Variants in GALNT18 observed in about 807,000 individuals in gnomAD.
GALNT18 encodes polypeptide N-acetylgalactosaminyltransferase 18, also known as GalNAc-transferase 18.
In GALNT18, 44 loss-of-function variants were observed where a neutral mutation model predicts 69.5. The observed-to-expected ratio is 0.63, with a 90% CI of 0.50 to 0.81. The LOEUF is 0.81. GALNT18 is among the 40% of genes least tolerant of loss of function. GALNT18 has a pLI of 0.00. For synonymous variants in GALNT18, 364 were observed against 318.2 expected (o/e 1.14, Z -1.53); for missense variants, 715 against 810.0 (o/e 0.88, Z 1.42).
intron 2 of GALNT18, among the ~76,000 whole-genome samples, chr11:11,442,976 G>A (rs1855566395): frequency 1.3e-5 from 2 of 152,200 alleles, no homozygotes; most frequent in African/African-American, 4.8e-5. Flanking sequence ...AGCTGCCTTG[G>A]AGGGAGGCCA....
intron 1 of GALNT18, among the ~76,000 whole-genome samples, chr11:11,493,847 TC>T (rs1856821937): frequency 6.6e-6 from 1 of 152,102 alleles, no homozygotes; most frequent in Non-Finnish European, 1.5e-5. Flanking sequence ...ATAGGAATTT[TC>T]CCCCTTTCCT....
chr11:11,516,979 G>C (rs1857291253), intron 1 of GALNT18, among the ~76,000 whole-genome samples: 1 of 152,216 alleles, frequency 6.6e-6, no homozygotes, highest in South Asian at 2.1e-4. Flanking sequence ...GGGTGATTAG[G>C]TTATGAGGGC....
intron 1 of GALNT18, among the ~76,000 whole-genome samples, chr11:11,493,292 A>G (rs1168186681): frequency 1.4e-5 from 2 of 140,162 alleles, no homozygotes; most frequent in Non-Finnish European, 3.1e-5. Flanking sequence ...AAAAAAAAAA[A>G]AAATTTCTTG....
In GALNT18 at chr11:11,620,349, G is replaced by A. The variant is rs1417802936; in HGVS notation, c.235+1010C>T. Among the ~76,000 whole-genome samples, 1 of 150,796 alleles carries A rather than the reference G, an allele frequency of 6.6e-6. No homozygotes were observed. Among genetic ancestry groups the A allele is most frequent in the African/African-American group, 2.4e-5 (1 of 41,032 alleles). On this transcript the variant is annotated intron_variant, in intron 1 of 10. Transcript: ENST00000227756. The surrounding 1 kb of genome is among the most constrained non-coding windows in gnomAD (Gnocchi z 6.9). The stretch of plus-strand genomic sequence containing the variant: ...CGCGCGCGCGTGTGTGTGTGTGTGT[G>A]CACACCCGGCACCAGTGCTCCTGGC...
At chr11:11,443,936 ATG>A (rs1224891197) in intron 2 of GALNT18, among the ~76,000 whole-genome samples, 2 of 152,192 alleles carry the variant, frequency 1.3e-5, no homozygotes, top group African/African-American at 4.8e-5. Context: ...CTTTGTGCAG[ATG>A]AGGTTGGAAA....
intron 9 of GALNT18, among the ~76,000 whole-genome samples, chr11:11,306,231 GTGTA>G (rs1849576418): frequency 2.0e-5 from 3 of 152,044 alleles, no homozygotes; most frequent in Admixed American, 6.6e-5. Flanking sequence ...GCATGTGTGT[GTGTA>G]TGTGTGTGTG....
chr11:11,430,537 G>A lies in GALNT18; in HGVS notation c.595+2084C>T, dbSNP rs1855241878. On this transcript the variant is annotated intron_variant, in intron 3 of 10. Coordinates refer to ENST00000227756, the MANE Select transcript of GALNT18 (RefSeq NM_198516.3). The surrounding 1 kb of genome is among the most constrained non-coding windows in gnomAD (Gnocchi z 4.9). ...ATCACCACAATGCTCTAGAGCTTTG[G>A]TTGTGAAAGGTCTAGGGTGCTGCTC... Among the ~76,000 whole-genome samples the A allele has an allele frequency of 6.6e-6, 1 of 152,234 alleles. No individual in the cohort carries two copies. Among genetic ancestry groups the A allele is most frequent in the Non-Finnish European group, 1.5e-5 (1 of 68,046 alleles).
rs909048433 is a variant in GALNT18 at position 11,602,132 on chromosome 11, A to T, written c.235+19227T>A. On this transcript the variant is annotated intron_variant, in intron 1 of 10. Coordinates refer to ENST00000227756, the MANE Select transcript of GALNT18 (RefSeq NM_198516.3). This position sits in a 1 kb window ranked among gnomAD's most constrained non-coding sequence, Gnocchi z 4.7. ...CAGAATATCTATACCACTGCTCTGG[A>T]GTTGTAAGTAGGAATAGCAGCCTAA... Among the ~76,000 whole-genome samples the T allele has an allele frequency of 6.6e-6, 1 of 152,092 alleles. No individual in the cohort carries two copies. The highest frequency in any genetic ancestry group is 2.1e-4 in the South Asian group (1 of 4,820).
intron 1 of GALNT18, among the ~76,000 whole-genome samples, chr11:11,547,289 G>C (rs1203303978): frequency 6.6e-6 from 1 of 152,162 alleles, no homozygotes; most frequent in Non-Finnish European, 1.5e-5. Flanking sequence ...CTGGAGTGAA[G>C]GGTGGGGGTG....
chr11:11,348,102 G>C (rs1309490571), intron 6 of GALNT18, among the ~76,000 whole-genome samples: 1 of 152,114 alleles, frequency 6.6e-6, no homozygotes, highest in Non-Finnish European at 1.5e-5. Flanking sequence ...AGAGGGCCGG[G>C]CATGGTGGCT....
Position 11,377,421 on chromosome 11 carries a change from A to G in GALNT18, c.780-42T>C. 2.5e-6 allele frequency: 4 copies of G among 1,591,174 alleles called. No homozygotes were observed. Among genetic ancestry groups the G allele is most frequent in the Non-Finnish European group, 2.6e-6 (3 of 1,160,834 alleles). Reference sequence around the variant, plus strand: ...CAGCCAGAGAGGGTAACCATTTCCAAGGTGGAAAAATCCAGAGTAGCATCT... The same window carrying G: ...CAGCCAGAGAGGGTAACCATTTCCAGGGTGGAAAAATCCAGAGTAGCATCT... On this transcript the variant is annotated intron_variant, in intron 4 of 10. Transcript: ENST00000227756. The surrounding 1 kb of genome is among the most constrained non-coding windows in gnomAD (Gnocchi z 4.6).
At chr11:11,352,627 C>A (rs1351083312) in intron 6 of GALNT18, 3 of 1,614,186 alleles carry the variant, frequency 1.9e-6, no homozygotes, top group Non-Finnish European at 2.5e-6. Flanking sequence ...TGCTCATGAT[C>A]AATCATGACA....
At chr11:11,452,667 G>C (rs1043640144) in intron 1 of GALNT18, among the ~76,000 whole-genome samples, 2 of 152,204 alleles carry the variant, frequency 1.3e-5, no homozygotes, top group Non-Finnish European at 2.9e-5. Context: ...TTTGACATAA[G>C]GGGGACAGGC....
At chr11:11,537,231 CTG>C (rs1319447119) in intron 1 of GALNT18, among the ~76,000 whole-genome samples, 3 of 152,050 alleles carry the variant, frequency 2.0e-5, no homozygotes, top group Non-Finnish European at 4.4e-5. Context: ...CGGGGTGGAG[CTG>C]TGAGTCAGTC....
chr11:11,569,447 T>G (rs1358709720), intron 1 of GALNT18, among the ~76,000 whole-genome samples: 2 of 147,382 alleles, frequency 1.4e-5, no homozygotes, highest in Non-Finnish European at 3.0e-5. Flanking sequence ...CAACATGTCC[T>G]GGAAACCATC....
At chr11:11,425,944 C>T (rs1006100781) in intron 3 of GALNT18, among the ~76,000 whole-genome samples, 1 of 152,240 alleles carries the variant, frequency 6.6e-6, no homozygotes, top group African/African-American at 2.4e-5. Flanking sequence ...ATCATGCAGT[C>T]CCAGCTAAAG....
At chr11:11,437,024 C>T (rs904439299) in intron 2 of GALNT18, among the ~76,000 whole-genome samples, 4 of 152,206 alleles carry the variant, frequency 2.6e-5, no homozygotes, top group African/African-American at 9.6e-5. Flanking sequence ...ACACACTCTG[C>T]TCCAGTCCTG....
rs567552427 is a variant in GALNT18 at position 11,590,509 on chromosome 11, G to A, written c.235+30850C>T. On this transcript the variant is annotated intron_variant, in intron 1 of 10. Coordinates refer to ENST00000227756, the MANE Select transcript of GALNT18 (RefSeq NM_198516.3). The surrounding 1 kb of genome is among the most constrained non-coding windows in gnomAD (Gnocchi z 4.4). Reference sequence around the variant, plus strand: ...ATATTAGGCACCAACCAATCAGAAGGACACTGGCTGTTCTGCTGCATCAGT... The same window carrying A: ...ATATTAGGCACCAACCAATCAGAAGAACACTGGCTGTTCTGCTGCATCAGT... Among the ~76,000 whole-genome samples, 4 of 152,142 alleles carry A rather than the reference G, an allele frequency of 2.6e-5. No homozygotes were observed. The highest frequency in any genetic ancestry group is 5.9e-5 in the Non-Finnish European group (4 of 68,040).
chr11:11,512,032 T>C (rs947126140), intron 1 of GALNT18, among the ~76,000 whole-genome samples: 6 of 152,238 alleles, frequency 3.9e-5, no homozygotes, highest in Non-Finnish European at 8.8e-5. Context: ...TATGTTTACA[T>C]GTATACATAT....
Sources: allele counts gnomAD v4.1 joint callset (sites outside exome capture counted in the v4.1 genomes callset), GRCh38; gene constraint gnomAD v4.1.1; non-coding constraint Gnocchi (gnomAD v3.1); transcripts MANE v1.5; gene names NCBI Gene and HGNC (gene_info 2026-07-23, HGNC 2026-07-21).